Variants in GPM6B observed in about 807,000 individuals in gnomAD.
GPM6B encodes glycoprotein M6B.
GPM6B carries 4 observed loss-of-function variants against 27.2 expected under a neutral mutation model. The ratio of observed to expected loss-of-function variants is 0.15; its 90% CI spans 0.07 to 0.34. GPM6B has a LOEUF of 0.34. Ranked by LOEUF, GPM6B falls within the 10% of genes least tolerant of loss-of-function variation. The pLI is 1.00. For missense variants in GPM6B, 183 were observed against 261.9 expected, an observed-to-expected ratio of 0.70 and a Z score of 2.08; for synonymous variants, 124 against 103.1, an observed-to-expected ratio of 1.20 and a Z score of -1.23.
At chrX:13,911,718 A>G (rs775947156) in intron 1 of GPM6B, among the ~76,000 whole-genome samples, 19 of 112,108 alleles carry the variant, frequency 1.7e-4, no homozygotes, top group Non-Finnish European at 3.6e-4. Context: ...CTGAAATAAA[A>G]TAACACACCA....
At chrX:13,816,613 C>T (rs910728889) in intron 1 of GPM6B, among the ~76,000 whole-genome samples, 1 of 110,997 alleles carries the variant, frequency 9.0e-6, no homozygotes, top group Non-Finnish European at 1.9e-5. Flanking sequence ...TATAGACATC[C>T]CTCTATGAAA....
chrX:13,877,883 C>G (rs1260882810), intron 1 of GPM6B, among the ~76,000 whole-genome samples: 3 of 103,558 alleles, frequency 2.9e-5, no homozygotes, highest in Non-Finnish European at 5.8e-5. Context: ...TTTTTTTCCC[C>G]TAGTTTAAGT....
At chrX:13,900,121 T>C (rs1167293214) in intron 1 of GPM6B, among the ~76,000 whole-genome samples, 1 of 111,576 alleles carries the variant, frequency 9.0e-6, no homozygotes, top group Non-Finnish European at 1.9e-5. Context: ...ACTTGTTCGG[T>C]AATGCCTCAT....
intron 2 of GPM6B, among the ~76,000 whole-genome samples, chrX:13,794,830 C>G (rs904451388): frequency 8.9e-6 from 1 of 112,018 alleles, no homozygotes; most frequent in African/African-American, 3.2e-5. Flanking sequence ...GCCCTTCTAC[C>G]ACAAACCAGC....
At chrX:13,936,483 T>G (rs1201097106) in intron 1 of GPM6B, among the ~76,000 whole-genome samples, 1 of 111,993 alleles carries the variant, frequency 8.9e-6, no homozygotes, top group African/African-American at 3.2e-5. Flanking sequence ...GTTAAATCAT[T>G]TCAATTAAAA....
At chrX:13,859,079 T>C (rs12688090) in intron 1 of GPM6B, among the ~76,000 whole-genome samples, 1 of 112,836 alleles carries the variant, frequency 8.9e-6, no homozygotes, top group East Asian at 2.8e-4. Context: ...GCAAGTGTTT[T>C]TCTAGCTTTG....
intron 1 of GPM6B, among the ~76,000 whole-genome samples, chrX:13,927,114 A>G (rs1329981097): frequency 1.8e-5 from 2 of 111,229 alleles, no homozygotes; most frequent in African/African-American, 6.5e-5. Context: ...AGAAAACCCA[A>G]ATGACCAATA....
At chrX:13,870,432 G>A (rs1016741782) in intron 1 of GPM6B, among the ~76,000 whole-genome samples, 2 of 112,483 alleles carry the variant, frequency 1.8e-5, no homozygotes, top group Non-Finnish European at 3.8e-5. Context: ...CAGTAGGTCT[G>A]AGGGAGGAAT....
At chrX:13,804,415 G>A (rs113971804) in intron 2 of GPM6B, among the ~76,000 whole-genome samples, 1,043 of 64,036 alleles carry the variant, frequency 0.016, 23 homozygotes, top group African/African-American at 0.058. Flanking sequence ...CATCATGGAC[G>A]GCGGGGGGGG....
chrX:13,895,380 A>G (rs1296204358), intron 1 of GPM6B, among the ~76,000 whole-genome samples: 1 of 110,276 alleles, frequency 9.1e-6, no homozygotes, highest in African/African-American at 3.3e-5. Context: ...TAATTCCTTT[A>G]GCAAAATTCT....
At chrX:13,807,864 G>T in intron 1 of GPM6B, 95 bp from the exon 2 acceptor site, 1 of 855,826 alleles carries the variant, frequency 1.2e-6, no homozygotes, top group Non-Finnish European at 1.6e-6. Context: ...GAAAGGAAAT[G>T]GGGAGTTTAA....
At chrX:13,843,451 T>G (rs551726272) in intron 1 of GPM6B, among the ~76,000 whole-genome samples, 1 of 112,256 alleles carries the variant, frequency 8.9e-6, no homozygotes, top group Non-Finnish European at 1.9e-5. Flanking sequence ...TTCTTTTGGG[T>G]ATATACCTGA....
chrX:13,844,390 C>T (rs2049618940), intron 1 of GPM6B, among the ~76,000 whole-genome samples: 1 of 112,060 alleles, frequency 8.9e-6, no homozygotes, highest in Non-Finnish European at 1.9e-5. Flanking sequence ...CTGGAAACAC[C>T]TATTTTCATA....
At chrX:13,872,297 C>T (rs1039436054) in intron 1 of GPM6B, among the ~76,000 whole-genome samples, 2 of 107,124 alleles carry the variant, frequency 1.9e-5, no homozygotes, top group African/African-American at 6.8e-5. Flanking sequence ...CAGCCTTCCA[C>T]GTAGCTAGGA....
At chrX:13,892,629 A>T (rs1249482889) in intron 1 of GPM6B, among the ~76,000 whole-genome samples, 2 of 111,937 alleles carry the variant, frequency 1.8e-5, no homozygotes, top group Admixed American at 9.5e-5. Context: ...TCCTGGGCTC[A>T]AGTGATTCTC....
intron 2 of GPM6B, among the ~76,000 whole-genome samples, chrX:13,797,884 G>C: frequency 9.0e-6 from 1 of 111,657 alleles, no homozygotes; most frequent in East Asian, 2.8e-4. Flanking sequence ...GGTGAGAAAG[G>C]GTGAGAGAAT....
At chrX:13,813,259 A>G (rs984721480) in intron 1 of GPM6B, among the ~76,000 whole-genome samples, 2 of 110,305 alleles carry the variant, frequency 1.8e-5, no homozygotes, top group African/African-American at 6.7e-5. Context: ...AAAAGTGCAT[A>G]CATTTTGCTA....
intron 1 of GPM6B, among the ~76,000 whole-genome samples, chrX:13,851,210 C>A (rs192566278): frequency 3.7e-5 from 4 of 108,260 alleles, no homozygotes; most frequent in Non-Finnish European, 7.7e-5. Context: ...TGGGGTTCTA[C>A]CTCGTAACTA....
intron 3 of GPM6B, among the ~76,000 whole-genome samples, chrX:13,784,217 C>T (rs1356588335): frequency 8.9e-6 from 1 of 112,827 alleles, no homozygotes; most frequent in Non-Finnish European, 1.9e-5. Context: ...GGATCCCGCC[C>T]CCAGAGATTA....
Sources: gnomAD v4.1 joint callset for allele counts (sites outside exome capture counted in the v4.1 genomes callset) on GRCh38, gnomAD v4.1.1 for gene constraint, MANE v1.5 for transcripts, NCBI Gene and HGNC (gene_info 2026-07-23, HGNC 2026-07-21) for gene names.